SLC35F6: variants seen among roughly 807,000 people sequenced by gnomAD.
The protein encoded by SLC35F6 is ANT2-binding protein.
A neutral mutation model predicts 29.4 loss-of-function variants in SLC35F6; 26 were observed. The observed-to-expected ratio is 0.89, with a 90% confidence interval of 0.65 to 1.23. The LOEUF (loss-of-function observed/expected upper bound fraction) is 1.23, where lower values mean the gene tolerates loss of function less well. Ranked by LOEUF, SLC35F6 falls within the 50% of genes most tolerant of loss-of-function variation. SLC35F6 has a pLI of 0.00. For missense variants in SLC35F6, 428 were observed against 487.8 expected, an observed-to-expected ratio of 0.88 and a Z score of 1.15; for synonymous variants, 174 against 206.6, an observed-to-expected ratio of 0.84 and a Z score of 1.35.
Position 26,775,483 on chromosome 2 carries a change from C to T in SLC35F6, c.342C>T (p.Ala114=). 2 of 1,612,910 alleles carry T rather than the reference C, an allele frequency of 1.2e-6. No homozygotes were observed. Among genetic ancestry groups the T allele is most frequent in the Non-Finnish European group, 1.7e-6 (2 of 1,179,954 alleles). Residue 114 remains alanine (A), a synonymous_variant, in exon 4 of 6, where the codon GCC becomes GCT. Coordinates refer to ENST00000344420, the MANE Select transcript of SLC35F6 (RefSeq NM_017877.4). The surrounding 1 kb of genome is among the most constrained non-coding windows in gnomAD (Gnocchi z 4.6). ...TCCTAGCTCTGAACATGACCAGTGC[C>T]TCCAGCTTCCAGATGCTGCGGGGTG... The part of the protein sequence containing the change: ...LMYVALNMTS[A]SSFQMLRGAV...
Position 26,778,981 on chromosome 2 carries a change from A to G in SLC35F6, c.*470A>G, listed in dbSNP as rs1048414664. The G allele has an allele frequency of 2.0e-5, 3 of 151,840 alleles. No individual in the cohort carries two copies. The highest frequency in any genetic ancestry group is 7.3e-5 in the African/African-American group (3 of 40,928). 9.4% of individuals were successfully genotyped at this position (151,840 alleles called of 1,614,324 possible). On this transcript the variant is annotated 3_prime_UTR_variant, in exon 6 of 6. Transcript: ENST00000344420. ...GAGACAGAGTCTCGCTCTGTCGCCCAGGCTGGAGTGCAGTGGCACGATCTC... is the reference window on the plus strand; with the variant it reads ...GAGACAGAGTCTCGCTCTGTCGCCCGGGCTGGAGTGCAGTGGCACGATCTC...
chr2:26,775,145 G>T lies in SLC35F6; in HGVS notation c.252G>T (p.Gln84His), dbSNP rs770478668. ...CAGACTCCAGCGTAGACCCCCAGCA[G>T]CCCTTCAACCCTCTTCTTTTCCTGC... Reference protein sequence around the residue: ...GQSDSSVDPQQPFNPLLFLPP... With the variant: ...GQSDSSVDPQHPFNPLLFLPP... Residue 84 changes from glutamine to histidine, a missense_variant, in exon 3 of 6, where the codon CAG becomes CAT. Gln to His is a conservative substitution (Grantham distance 24). Transcript: ENST00000344420. This position sits in a 1 kb window ranked among gnomAD's most constrained non-coding sequence, Gnocchi z 4.6. 8.7e-6 allele frequency: 14 copies of T among 1,614,110 alleles called. No individual in the cohort carries two copies. The highest frequency in any genetic ancestry group is 1.2e-5 in the Non-Finnish European group (14 of 1,180,034).
Position 26,767,633 on chromosome 2 carries a change from C to G in SLC35F6, c.77+3207C>G, listed in dbSNP as rs139253253. ...TCATCTTCTTTAGGCCAAGCCATTTCTGTCTACGTGAGCCAGTGCCCCATC... is the reference window on the plus strand; with the variant it reads ...TCATCTTCTTTAGGCCAAGCCATTTGTGTCTACGTGAGCCAGTGCCCCATC... On this transcript the variant is annotated intron_variant, in intron 1 of 5. Transcript: ENST00000344420. 2.0e-5 allele frequency among the ~76,000 whole-genome samples: 3 copies of G among 152,268 alleles called. No individual in the cohort carries two copies. The East Asian group carries it at 5.8e-4, about 29-fold the overall frequency.
intron 1 of SLC35F6, among the ~76,000 whole-genome samples, chr2:26,773,826 G>A (rs1034762186): frequency 5.3e-5 from 8 of 151,652 alleles, no homozygotes; most frequent in Non-Finnish European, 7.4e-5. Context: ...TTGGCCAGGC[G>A]GTCTCGAACT....
rs1179842146 is a variant in SLC35F6 at position 26,775,299 on chromosome 2, C to T, written c.322+84C>T. 3 of 1,544,646 alleles carry T rather than the reference C, an allele frequency of 1.9e-6. No homozygotes were observed. The highest frequency in any genetic ancestry group is 2.6e-6 in the Non-Finnish European group (3 of 1,142,704). On this transcript the variant is annotated intron_variant, in intron 3 of 5. Coordinates refer to ENST00000344420, the MANE Select transcript of SLC35F6 (RefSeq NM_017877.4). This position sits in a 1 kb window ranked among gnomAD's most constrained non-coding sequence, Gnocchi z 4.6. ...TGGTGAAACAGCCCTATCCCACCCA[C>T]CTCCACTTCATCCCACCATTCCCCC...
In SLC35F6 at chr2:26,764,343, C is replaced by A. The variant is rs765178692; in HGVS notation, c.-7C>A. The A allele has an allele frequency of 3.2e-6, 5 of 1,549,820 alleles. No homozygotes were observed. The highest frequency in any genetic ancestry group is 1.7e-4 in the Middle Eastern group (1 of 5,994). On this transcript the variant is annotated 5_prime_UTR_variant, in exon 1 of 6. Transcript: ENST00000344420. ...GCTAACTGGAGCGAACCCCAGCGTC[C>A]GCCGACATGGCCTGGACCAAGTACC...
chr2:26,775,441 G>A lies in SLC35F6; in HGVS notation c.323-23G>A. 5 of 1,608,094 alleles carry A rather than the reference G, an allele frequency of 3.1e-6. No homozygotes were observed. Among genetic ancestry groups the A allele is most frequent in the Non-Finnish European group, 4.2e-6 (5 of 1,177,206 alleles). The stretch of plus-strand genomic sequence containing the variant: ...TGGCCTTCGCCTTGGGAAGCTAACT[G>A]TAATTTGTTTCTCCTTTCCTAGCTC... On this transcript the variant is annotated intron_variant, in intron 3 of 5. Coordinates refer to ENST00000344420, the MANE Select transcript of SLC35F6 (RefSeq NM_017877.4). This position sits in a 1 kb window ranked among gnomAD's most constrained non-coding sequence, Gnocchi z 4.6.
chr2:26,766,604 AAAAAT>A (rs1048769220), intron 1 of SLC35F6, among the ~76,000 whole-genome samples: 3 of 152,150 alleles, frequency 2.0e-5, no homozygotes, highest in Non-Finnish European at 4.4e-5. Flanking sequence ...TCTCAAAAAA[AAAAAT>A]AAAAGGAAAT....
At position 26,774,326 on chromosome 2, in the gene SLC35F6, A is replaced by T. The variant is rs776149072; in HGVS notation, c.150+3A>T. The T allele has an allele frequency of 6.2e-7, 1 of 1,613,940 alleles. No individual in the cohort carries two copies. Among genetic ancestry groups the T allele is most frequent in the Non-Finnish European group, 8.5e-7 (1 of 1,179,882 alleles). Reference sequence around the variant, plus strand: ...GCTTCCAGCATCCCTTCCTCCAGGTATCTGGCCCTGTCCCTCCTACCTCCT... The same window carrying T: ...GCTTCCAGCATCCCTTCCTCCAGGTTTCTGGCCCTGTCCCTCCTACCTCCT... On this transcript the variant is annotated splice_donor_region_variant and intron_variant, in intron 2 of 5. Transcript: ENST00000344420.
In SLC35F6 at chr2:26,778,405, A is replaced by G; in HGVS notation, c.1010A>G (p.His337Arg). Residue 337 changes from histidine to arginine, a missense_variant, in exon 6 of 6, where the codon CAC becomes CGC. By Grantham distance (29) the His-to-Arg change is conservative. Transcript: ENST00000344420. ...GGCACTGCCCTCTACAATGGGCTAC[A>G]CCGTCCGCTGCTGGGCCGCCTGTCC... The part of the protein sequence containing the change: ...LIGTALYNGL[H>R]RPLLGRLSRG... 1.2e-6 allele frequency: 2 copies of G among 1,613,948 alleles called. No individual in the cohort carries two copies. The highest frequency in any genetic ancestry group is 2.7e-5 in the African/African-American group (2 of 74,974).
chr2:26,776,298 C>A, intron 4 of SLC35F6, 74 bp from the exon 5 acceptor site: 10 of 1,380,190 alleles, frequency 7.2e-6, no homozygotes, highest in Non-Finnish European at 1.0e-5. Context: ...CATGTTTGGT[C>A]GCTGTGGCCA....
intron 5 of SLC35F6, among the ~76,000 whole-genome samples, chr2:26,777,666 G>C (rs998599589): frequency 2.6e-5 from 4 of 152,188 alleles, no homozygotes; most frequent in Admixed American, 6.5e-5. Flanking sequence ...GTCAGTTGCA[G>C]CTGGCAGTTC....
chr2:26,770,417 CA>C (rs1339621354), intron 1 of SLC35F6, among the ~76,000 whole-genome samples: 2 of 151,842 alleles, frequency 1.3e-5, no homozygotes, highest in Admixed American at 6.6e-5. Flanking sequence ...AAAAACAAAA[CA>C]AAAAAACAAA....
chr2:26,767,895 T>C (rs1455382218), intron 1 of SLC35F6, among the ~76,000 whole-genome samples: 1 of 152,160 alleles, frequency 6.6e-6, no homozygotes, highest in East Asian at 1.9e-4. Flanking sequence ...AAGTAGATGC[T>C]CACTAAGTAA....
At chr2:26,774,345 A>T in intron 2 of SLC35F6, 22 bp downstream of exon 2, 1 of 1,612,030 alleles carries the variant, frequency 6.2e-7, no homozygotes. Flanking sequence ...TGTCCCTCCT[A>T]CCTCCTGTCT....
At chr2:26,773,505 A>AG (rs1435151831) in intron 1 of SLC35F6, among the ~76,000 whole-genome samples, 1 of 149,416 alleles carries the variant, frequency 6.7e-6, no homozygotes, top group Non-Finnish European at 1.5e-5. Flanking sequence ...TCCATTAAGA[A>AG]AAAAAAAAAA....
intron 1 of SLC35F6, among the ~76,000 whole-genome samples, chr2:26,772,949 C>G (rs1664223810): frequency 6.6e-6 from 1 of 152,190 alleles, no homozygotes; most frequent in Admixed American, 6.5e-5. Flanking sequence ...TCATCACCAT[C>G]TGCCGGGTGC....
Position 26,774,383 on chromosome 2 carries a change from C to T in SLC35F6, c.150+60C>T, listed in dbSNP as rs979658118. On this transcript the variant is annotated intron_variant, in intron 2 of 5. Transcript: ENST00000344420. ...CGGGCCTCAGACCAGGCGCCACCCC[C>T]GGCCATGAGGCCAGGCTGTTTCCTG... is the stretch of plus-strand genomic sequence containing the variant. 3.1e-5 allele frequency: 49 copies of T among 1,587,556 alleles called. 1 individual carries two copies. The South Asian group carries it at 3.3e-4, about 11-fold the overall frequency.
chr2:26,774,997 C>T (rs1195610516), intron 2 of SLC35F6, 47 bp from the exon 3 acceptor site: 1 of 1,560,632 alleles, frequency 6.4e-7, no homozygotes, highest in Admixed American at 2.0e-5. Context: ...AAGATGATCC[C>T]CGAGATCCCT....
Sources: allele counts gnomAD v4.1 joint callset (sites outside exome capture counted in the v4.1 genomes callset), GRCh38; gene constraint gnomAD v4.1.1; non-coding constraint Gnocchi (gnomAD v3.1); transcripts MANE v1.5; gene names NCBI Gene and HGNC (gene_info 2026-07-23, HGNC 2026-07-21).